GAREM2: variants seen among roughly 807,000 people sequenced by gnomAD.
GAREM2 encodes GRB2-associated and regulator of MAPK protein 2.
A neutral mutation model predicts 55.6 loss-of-function variants in GAREM2; 30 were observed. The ratio of observed to expected loss-of-function variants is 0.54; its 90% CI spans 0.40 to 0.73. GAREM2 has a LOEUF of 0.73. Ranked by LOEUF, GAREM2 falls within the 30% of genes least tolerant of loss-of-function variation. GAREM2 has a pLI of 0.00. For missense variants in GAREM2, 1,075 were observed against 1,257.7 expected (o/e 0.85, Z 2.20); for synonymous variants, 550 against 569.1 (o/e 0.97, Z 0.48).
At chr2:26,183,218 CT>C in intron 3 of GAREM2, 121 bp downstream of exon 3, 2 of 1,062,500 alleles carry the variant, frequency 1.9e-6, no homozygotes, top group Non-Finnish European at 2.7e-6. Context: ...CTGGGGACCC[CT>C]TAGGGGTCTT....
At chr2:26,191,375 G>C (rs766506078), downstream of GAREM2, 11 of 1,614,092 alleles carry the variant, frequency 6.8e-6, no homozygotes, top group Non-Finnish European at 9.3e-6. Context: ...GCGCCATACA[G>C]ATCCACAAAG....
intron 4 of GAREM2, 85 bp downstream of exon 4, chr2:26,185,361 G>GCAGAC: frequency 7.1e-7 from 1 of 1,399,698 alleles, no homozygotes; most frequent in Non-Finnish European, 9.2e-7. Context: ...GGAGTATGTG[G>GCAGAC]CAGACGAGGT....
At chr2:26,193,587 C>G (rs1669574600), downstream of GAREM2, 1 of 1,613,376 alleles carries the variant, frequency 6.2e-7, no homozygotes, top group East Asian at 2.2e-5. Flanking sequence ...CTAGGAAGCC[C>G]TTGGACACCA....
chr2:26,198,850 G>C, the GAREM2 span, among the ~76,000 whole-genome samples: 1 of 151,606 alleles, frequency 6.6e-6, no homozygotes, highest in African/African-American at 2.4e-5. Context: ...AGGAGTTCAA[G>C]ACCAACCTCG....
rs1452459446 is a variant in GAREM2 at position 26,184,247 on chromosome 2, G to C, written c.399G>C (p.Glu133Asp). ...ITFSVKVVSG[E>D]FSEDSEVYNF... Reference sequence around the variant, plus strand: ...GGGATCCCCAGGTGGTGTCGGGCGAGTTCAGCGAGGACAGCGAGGTGTACA... The same window carrying C: ...GGGATCCCCAGGTGGTGTCGGGCGACTTCAGCGAGGACAGCGAGGTGTACA... Residue 133 changes from glutamate to aspartate, a missense_variant, in exon 4 of 6, where the codon GAG becomes GAC. Physicochemically the swap from Glu to Asp is conservative, Grantham distance 45 (BLOSUM62 2). Around this residue, in one of 6 missense-constraint regions of GAREM2, gnomAD observed 230 missense variants for 310.6 expected, o/e 0.74. Coordinates refer to ENST00000401533, the MANE Select transcript of GAREM2 (RefSeq NM_001168241.2). 2.6e-6 allele frequency: 4 copies of C among 1,550,468 alleles called. No homozygotes were observed. The highest frequency in any genetic ancestry group is 8.7e-7 in the Non-Finnish European group (1 of 1,146,380).
the GAREM2 span, chr2:26,195,346 C>T: frequency 2.2e-6 from 2 of 911,992 alleles, no homozygotes; most frequent in Admixed American, 3.4e-5. Flanking sequence ...TATAGGAATA[C>T]TGCTTGACAT....
rs1467061298 is a variant in GAREM2 at position 26,187,267 on chromosome 2, G to A, written c.1635G>A (p.Pro545=). The change falls in exon 6 of 6, where the codon CCG becomes CCA. Residue 545 remains proline, a synonymous_variant. Transcript: ENST00000401533. ...GCAGTGGCAGTGGCTCCCCATCGCC[G>A]GACACCTACTCCCTCTATTGCTACC... ...GSRSGSGSPS[P]DTYSLYCYPC... 6 of 1,455,934 alleles carry A rather than the reference G, an allele frequency of 4.1e-6. No individual in the cohort carries two copies. Among genetic ancestry groups the A allele is most frequent in the East Asian group, 2.5e-5 (1 of 39,614 alleles). The allele number at this position is 1,455,934 out of a possible 1,614,324, so 90.2% of individuals were successfully genotyped here. A position where few individuals can be genotyped will look rare whatever the true frequency, so the allele number is the denominator to read the frequency against.
At chr2:26,182,846 C>A in intron 2 of GAREM2, 121 bp from the exon 3 acceptor site, 1 of 1,272,750 alleles carries the variant, frequency 7.9e-7, no homozygotes, top group Non-Finnish European at 1.1e-6. Context: ...CTTTGGCCCT[C>A]CTGAGTTCCT....
the GAREM2 span, among the ~76,000 whole-genome samples, chr2:26,195,388 TA>T: frequency 6.6e-6 from 1 of 152,054 alleles, no homozygotes; most frequent in Non-Finnish European, 1.5e-5. Context: ...GGGTCTTTGA[TA>T]AAAGTTTAGT....
At chr2:26,195,600 G>A in the GAREM2 span, among the ~76,000 whole-genome samples, 2 of 151,534 alleles carry the variant, frequency 1.3e-5, no homozygotes, top group Non-Finnish European at 2.9e-5. Flanking sequence ...TTTTTTGGGC[G>A]GGGGTGGGGC....
At chr2:26,204,131 C>T in the GAREM2 span, 8 of 1,613,654 alleles carry the variant, frequency 5.0e-6, no homozygotes, top group Non-Finnish European at 5.9e-6. Context: ...AGTCTTTAGC[C>T]CCTTATCCAC....
At chr2:26,190,499 C>A (rs3791731), downstream of GAREM2, 18,399 of 152,648 alleles carry the variant, frequency 0.12, 2,560 homozygotes, top group East Asian at 0.74. Context: ...GGCAGCCCTG[C>A]TATGCAGGAT....
At chr2:26,199,023 T>C in the GAREM2 span, among the ~76,000 whole-genome samples, 1 of 151,658 alleles carries the variant, frequency 6.6e-6, no homozygotes, top group African/African-American at 2.4e-5. Context: ...GCCTCCCGAG[T>C]AGCTGGGATT....
chr2:26,191,465 C>T (rs200961004), downstream of GAREM2: 225 of 1,614,076 alleles, frequency 1.4e-4, no homozygotes, highest in Non-Finnish European at 3.7e-5. Flanking sequence ...AGCTTCCTTC[C>T]CAACCTGCGA....
chr2:26,201,788 CTT>C, the GAREM2 span, among the ~76,000 whole-genome samples: 7 of 145,144 alleles, frequency 4.8e-5, no homozygotes, highest in Admixed American at 1.4e-4. Flanking sequence ...TAGTTGTAAT[CTT>C]TTTTTTTTTT....
At chr2:26,190,975 G>A (rs1669478635), downstream of GAREM2, 14 of 546,298 alleles carry the variant, frequency 2.6e-5, no homozygotes, top group South Asian at 2.8e-4. Flanking sequence ...GCAGAGAGGT[G>A]GCTTCAGATG....
downstream of GAREM2, chr2:26,193,610 G>A: frequency 6.2e-7 from 1 of 1,614,012 alleles, no homozygotes; most frequent in Non-Finnish European, 8.5e-7. Context: ...TGTGTCAGCA[G>A]TTCTGGGTTT....
intron 1 of GAREM2, among the ~76,000 whole-genome samples, chr2:26,174,834 T>G (rs1294263771): frequency 6.6e-6 from 1 of 152,216 alleles, no homozygotes; most frequent in Non-Finnish European, 1.5e-5. Context: ...CATCTGTCAC[T>G]GTGGGCTATT....
chr2:26,186,436 G>A, intron 5 of GAREM2, 78 bp downstream of exon 5: 1 of 1,368,018 alleles, frequency 7.3e-7, no homozygotes, highest in Admixed American at 2.0e-5. Flanking sequence ...GAACTACAGT[G>A]CTGAGGAAGA....
Sources: gnomAD v4.1 joint callset for allele counts (sites outside exome capture counted in the v4.1 genomes callset) on GRCh38, gnomAD v4.1.1 for gene constraint, gnomAD v4.1.1 regional missense constraint, MANE v1.5 for transcripts, NCBI Gene and HGNC (gene_info 2026-07-23, HGNC 2026-07-21) for gene names.